The following NBPF3 variants were observed in gnomAD, a reference collection of about 807,000 sequenced individuals.
NBPF3 encodes NBPF member 3.
NBPF3 carries 57 observed loss-of-function variants against 78.1 expected under a neutral mutation model. That is an observed-to-expected ratio of 0.73 (90% CI 0.59 to 0.91). The LOEUF is 0.91. NBPF3 is among the 40% of genes least tolerant of loss of function. The probability of loss-of-function intolerance (pLI) is 0.00; values close to 1 mark genes in which losing one functional copy is unlikely to be tolerated. For synonymous variants in NBPF3, 182 were observed against 271.7 expected, an observed-to-expected ratio of 0.67 and a Z score of 3.25; for missense variants, 510 against 715.3, an observed-to-expected ratio of 0.71 and a Z score of 3.27.
At chr1:21,469,923 A>G (rs1480684580) in intron 3 of NBPF3, among the ~76,000 whole-genome samples, 1 of 152,162 alleles carries the variant, frequency 6.6e-6, no homozygotes, top group Non-Finnish European at 1.5e-5. Flanking sequence ...TCATCTGTAC[A>G]TAGGGTACTA....
intron 1 of NBPF3, among the ~76,000 whole-genome samples, chr1:21,442,962 A>G (rs1054329638): frequency 3.9e-5 from 6 of 152,254 alleles, no homozygotes; most frequent in African/African-American, 1.2e-4. Context: ...CCACCTGGCT[A>G]TGATTCACTT....
Position 21,445,018 on chromosome 1 carries a change from T to G in NBPF3, c.-69T>G. 2 of 1,523,646 alleles carry G rather than the reference T, an allele frequency of 1.3e-6. No homozygotes were observed. The highest frequency in any genetic ancestry group is 1.8e-6 in the Non-Finnish European group (2 of 1,130,432). 94.4% of individuals were successfully genotyped at this position (1,523,646 alleles called of 1,614,324 possible). A position where few individuals can be genotyped will look rare whatever the true frequency, so the allele number is the denominator to read the frequency against. On this transcript the variant is annotated 5_prime_UTR_variant, in exon 2 of 15. In the 5' UTR this introduces an upstream ATG that the reference lacks. Transcript: ENST00000318249. The stretch of plus-strand genomic sequence containing the variant: ...GTGACCCAGGCTCTCACCAGCCAAT[T>G]GTCCCTTGCCGTCCTCCTGAGGGTA...
At chr1:21,479,435 G>A in intron 10 of NBPF3, 35 bp downstream of exon 10, 1 of 1,586,382 alleles carries the variant, frequency 6.3e-7, no homozygotes, top group South Asian at 1.1e-5. Context: ...TTAATTTGAT[G>A]TTGACACCTG....
chr1:21,483,201 A>G lies in NBPF3; in HGVS notation c.1717A>G (p.Arg573Gly). 1 of 1,595,366 alleles carries G rather than the reference A, an allele frequency of 6.3e-7. No individual in the cohort carries two copies. Among genetic ancestry groups the G allele is most frequent in the Non-Finnish European group, 8.5e-7 (1 of 1,171,726 alleles). The change falls in exon 15 of 15, where the codon AGA becomes GGA. Residue 573 changes from arginine (R) to glycine (G), a missense_variant. Transcript: ENST00000318249. Reference protein sequence around the residue: ...EPEVLQDSLDRCYSTTSTYFQ... With the variant: ...EPEVLQDSLDGCYSTTSTYFQ... ...TGAAGTCTTGCAGGACTCACTGGAT[A>G]GATGTTATTCGACTACTTCAACTTA...
chr1:21,442,212 TTC>T (rs1401598553), intron 1 of NBPF3: 2 of 152,186 alleles, frequency 1.3e-5, no homozygotes, highest in Admixed American at 1.3e-4. Context: ...TGAATGGAGA[TTC>T]TCTGTTTTTT....
In NBPF3 at chr1:21,471,688, C is replaced by A. The variant is rs368149224; in HGVS notation, c.566C>A (p.Pro189Gln). The change falls in exon 5 of 15, where the codon CCG becomes CAG. Residue 189 changes from proline to glutamine, a missense_variant. Around this residue, in one of 5 missense-constraint regions of NBPF3, gnomAD observed 440 missense variants for 478.2 expected, o/e 0.92. Coordinates refer to ENST00000318249, the MANE Select transcript of NBPF3 (RefSeq NM_032264.6). ...CAGCATCTCCAGGCCCTCCTCACTC[C>A]GGATGAGCCGGACAACTCCCAGGGA... is the stretch of plus-strand genomic sequence containing the variant. Reference protein sequence around the residue: ...LNQHLQALLTPDEPDNSQGRD... With the variant: ...LNQHLQALLTQDEPDNSQGRD... The A allele has an allele frequency of 6.2e-7, 1 of 1,613,374 alleles. No homozygotes were observed. Among genetic ancestry groups the A allele is most frequent in the East Asian group, 2.2e-5 (1 of 44,880 alleles).
intron 2 of NBPF3, among the ~76,000 whole-genome samples, chr1:21,450,052 C>A (rs1641219967): frequency 2.0e-5 from 3 of 152,202 alleles, no homozygotes; most frequent in African/African-American, 7.2e-5. Flanking sequence ...CCAATTATCA[C>A]ATTACCACAA....
intron 5 of NBPF3, 55 bp from the exon 6 acceptor site, chr1:21,472,786 CTG>C (rs1436573354): frequency 9.0e-6 from 11 of 1,225,372 alleles, no homozygotes; most frequent in Non-Finnish European, 1.2e-5. Flanking sequence ...ATTCGGCTGA[CTG>C]TGCTTGCAGA....
In NBPF3 at chr1:21,473,464, T is replaced by C. The variant is rs1305374477; in HGVS notation, c.819T>C (p.Pro273=). 3 of 1,614,086 alleles carry C rather than the reference T, an allele frequency of 1.9e-6. No individual in the cohort carries two copies. Among genetic ancestry groups the C allele is most frequent in the Non-Finnish European group, 2.5e-6 (3 of 1,180,046 alleles). The part of the protein sequence containing the change: ...CAITCSNSHH[P]CESNQPYGNT... ...TCACTTGTTCAAATAGCCACCACCC[T>C]TGTGAGTCCAACCAGCCTTACGGGA... The change falls in exon 7 of 15, where the codon CCT becomes CCC. Residue 273 remains proline, a synonymous_variant. Transcript: ENST00000318249.
chr1:21,442,775 C>G (rs1317143317), intron 1 of NBPF3, among the ~76,000 whole-genome samples: 3 of 152,078 alleles, frequency 2.0e-5, no homozygotes, highest in Non-Finnish European at 4.4e-5. Flanking sequence ...GATCCTCCCA[C>G]CTCAGCCTCC....
chr1:21,466,203 C>T lies in NBPF3; in HGVS notation c.134-2485C>T, dbSNP rs185292027. 92 of 637,808 alleles carry T rather than the reference C, an allele frequency of 1.4e-4. No homozygotes were observed. In the South Asian group the frequency reaches 4.0e-3, roughly 28 times the overall value. 39.5% of individuals were successfully genotyped at this position (637,808 alleles called of 1,614,324 possible). A position where few individuals can be genotyped will look rare whatever the true frequency, so the allele number is the denominator to read the frequency against. ...GGTCATACTGAGAGACAACGAGTGG[C>T]GCTGACAAGAGACAGACAAAGATAA... On this transcript the variant is annotated intron_variant, in intron 2 of 14. Transcript: ENST00000318249.
chr1:21,478,507 C>T (rs766751841), intron 9 of NBPF3, among the ~76,000 whole-genome samples, 200 bp downstream of exon 9: 1 of 152,214 alleles, frequency 6.6e-6, no homozygotes, highest in Non-Finnish European at 1.5e-5. Context: ...TTGCTCTCTT[C>T]CTAGTCTCAG....
Position 21,470,574 on chromosome 1 carries a change from G to A in NBPF3, c.344-58G>A, listed in dbSNP as rs570589494. The A allele has an allele frequency of 5.2e-4, 733 of 1,409,274 alleles. 9 individuals are homozygous for A. The South Asian group carries it at 7.8e-3, about 15-fold the overall frequency. 87.3% of individuals were successfully genotyped at this position (1,409,274 alleles called of 1,614,324 possible). ...GGACCTGGCTCCTGCCCTGTAGGCA[G>A]TGACCAGAGCAGCATGTCCAGCCTT... On this transcript the variant is annotated intron_variant, in intron 3 of 14. Coordinates refer to ENST00000318249, the MANE Select transcript of NBPF3 (RefSeq NM_032264.6).
At chr1:21,480,006 T>G in intron 10 of NBPF3, 45 bp from the exon 11 acceptor site, 1 of 971,988 alleles carries the variant, frequency 1.0e-6, no homozygotes, top group Non-Finnish European at 1.7e-6. Flanking sequence ...GCTGTGTGGT[T>G]TCTGATTCCC....
At chr1:21,437,196 G>A (rs1244324615), upstream of NBPF3, among the ~76,000 whole-genome samples, 1 of 152,204 alleles carries the variant, frequency 6.6e-6, no homozygotes, top group South Asian at 2.1e-4. Flanking sequence ...GGCAGAGCCA[G>A]GGTAGGGAGG....
intron 2 of NBPF3, among the ~76,000 whole-genome samples, chr1:21,452,958 G>A (rs1320618224): frequency 6.6e-6 from 1 of 152,216 alleles, no homozygotes; most frequent in Admixed American, 6.5e-5. Flanking sequence ...TCCTGGGTTA[G>A]TGCTTTATGC....
chr1:21,454,370 T>G (rs1319212259), intron 2 of NBPF3: 5 of 152,150 alleles, frequency 3.3e-5, no homozygotes, highest in African/African-American at 1.2e-4. Flanking sequence ...GGAGTCAGTA[T>G]AGGGGGAATT....
At chr1:21,458,079 G>T (rs2147941871) in intron 2 of NBPF3, among the ~76,000 whole-genome samples, 1 of 152,262 alleles carries the variant, frequency 6.6e-6, no homozygotes, top group South Asian at 2.1e-4. Context: ...CCTTCCTCTG[G>T]AGCCTCAGTA....
At chr1:21,466,579 A>G (rs1642278990) in intron 2 of NBPF3, among the ~76,000 whole-genome samples, 1 of 152,282 alleles carries the variant, frequency 6.6e-6, no homozygotes, top group African/African-American at 2.4e-5. Flanking sequence ...TCCAGGTGAT[A>G]GAGGTGATCT....
Sources: allele counts gnomAD v4.1 joint callset (sites outside exome capture counted in the v4.1 genomes callset), GRCh38; gene constraint gnomAD v4.1.1; regional missense constraint gnomAD v4.1.1; transcripts MANE v1.5; gene names NCBI Gene and HGNC (gene_info 2026-07-23, HGNC 2026-07-21).